Variants in CCSER1 observed in about 807,000 individuals in gnomAD.
CCSER1 encodes coiled-coil serine rich protein 1.
CCSER1 carries 41 observed loss-of-function variants against 82.0 expected under a neutral mutation model. The observed-to-expected ratio is 0.50, with a 90% CI of 0.39 to 0.65. The LOEUF is 0.65. CCSER1 is among the 30% of genes least tolerant of loss of function. The pLI, the probability that CCSER1 is intolerant of heterozygous loss-of-function variation, is 0.00. For synonymous variants in CCSER1, 414 were observed against 383.9 expected (o/e 1.08, Z -0.92); for missense variants, 1,119 against 1,064.2 (o/e 1.05, Z -0.72).
chr4:90,924,424 G>GTTTTCAAGTGT (rs1728789640), intron 9 of CCSER1, among the ~76,000 whole-genome samples: 1 of 151,750 alleles, frequency 6.6e-6, no homozygotes, highest in African/African-American at 2.4e-5. Flanking sequence ...TGCACAAATT[G>GTTTTCAAGTGT]TTTTCAAGTG....
At chr4:90,965,490 A>G (rs1185303710) in intron 9 of CCSER1, among the ~76,000 whole-genome samples, 5 of 152,290 alleles carry the variant, frequency 3.3e-5, no homozygotes, top group South Asian at 2.1e-4. Context: ...CCCCCAATAC[A>G]TACACAAAAC....
At chr4:90,431,531 C>T (rs556576274) in intron 4 of CCSER1, among the ~76,000 whole-genome samples, 4 of 151,982 alleles carry the variant, frequency 2.6e-5, no homozygotes, top group Admixed American at 6.6e-5. Flanking sequence ...CTGTTTCTTA[C>T]GATGCTTATT....
chr4:91,208,535 G>A (rs1355855970), intron 10 of CCSER1, among the ~76,000 whole-genome samples: 1 of 151,828 alleles, frequency 6.6e-6, no homozygotes, highest in African/African-American at 2.4e-5. Flanking sequence ...TCAGATGGTT[G>A]TAGGTATGTG....
intron 5 of CCSER1, among the ~76,000 whole-genome samples, chr4:90,613,021 T>G (rs1246898894): frequency 6.6e-6 from 1 of 151,896 alleles, no homozygotes; most frequent in Non-Finnish European, 1.5e-5. Flanking sequence ...TAAAGCAAAC[T>G]CAGAGATCAC....
intron 5 of CCSER1, among the ~76,000 whole-genome samples, chr4:90,600,230 A>G (rs1039225068): frequency 2.6e-5 from 4 of 152,192 alleles, no homozygotes; most frequent in African/African-American, 9.7e-5. Context: ...TTAGGACTGA[A>G]ATGATATGGT....
At chr4:90,154,478 C>T (rs1330619223) in intron 1 of CCSER1, among the ~76,000 whole-genome samples, 1 of 152,022 alleles carries the variant, frequency 6.6e-6, no homozygotes, top group Non-Finnish European at 1.5e-5. Context: ...GCAGTATGGC[C>T]ATGTTCACGA....
At chr4:91,333,919 GTC>G (rs1446193154) in intron 10 of CCSER1, among the ~76,000 whole-genome samples, 1 of 151,944 alleles carries the variant, frequency 6.6e-6, no homozygotes, top group African/African-American at 2.4e-5. Context: ...CAGATTAACA[GTC>G]TCTCAGTTTT....
At chr4:90,937,480 A>AACACACACACACACACACACACAC (rs148799317) in intron 9 of CCSER1, among the ~76,000 whole-genome samples, 26 of 146,032 alleles carry the variant, frequency 1.8e-4, no homozygotes, top group Admixed American at 1.4e-3. Flanking sequence ...TCTAATTTGA[A>AACACACACACACACACACACACAC]ACACACACAC....
chr4:91,039,212 C>CT (rs5860218), intron 9 of CCSER1, among the ~76,000 whole-genome samples: 61,783 of 145,498 alleles, frequency 0.42, 12,969 homozygotes, highest in East Asian at 0.63. Flanking sequence ...TTCTTTCTTT[C>CT]TTTTTTTTTT....
chr4:90,570,328 T>A lies in CCSER1; in HGVS notation c.1725-57697T>A, dbSNP rs572790804. On this transcript the variant is annotated intron_variant, in intron 5 of 10. Transcript: ENST00000509176. ...TCCCATGGCAGAGATTGGAGGGAGA[T>A]CCATTGGGTTGGGGGACTGCAAGTT... is the stretch of plus-strand genomic sequence containing the variant. 4.3e-4 allele frequency among the ~76,000 whole-genome samples: 66 copies of A among 152,140 alleles called. 1 individual carries two copies. In the South Asian group the frequency reaches 0.014, roughly 31 times the overall value.
intron 9 of CCSER1, among the ~76,000 whole-genome samples, chr4:91,082,960 G>T (rs1722949933): frequency 6.6e-6 from 1 of 152,208 alleles, no homozygotes; most frequent in Admixed American, 6.5e-5. Flanking sequence ...TACACTATTA[G>T]TGGGACTGTA....
chr4:90,494,541 A>G (rs1768667195), intron 5 of CCSER1, among the ~76,000 whole-genome samples: 1 of 152,164 alleles, frequency 6.6e-6, no homozygotes, highest in African/African-American at 2.4e-5. Context: ...TTCTTGTTCT[A>G]TCTCATGAGA....
intron 10 of CCSER1, among the ~76,000 whole-genome samples, chr4:91,146,520 G>A (rs1729553425): frequency 6.6e-6 from 1 of 151,680 alleles, no homozygotes; most frequent in African/African-American, 2.4e-5. Flanking sequence ...TGGCGTTTTT[G>A]TGCTGATTCT....
chr4:90,726,880 C>G (rs1743736065), intron 7 of CCSER1, among the ~76,000 whole-genome samples: 1 of 152,096 alleles, frequency 6.6e-6, no homozygotes, highest in East Asian at 1.9e-4. Flanking sequence ...AAGGCTTTCT[C>G]CATCTAGACA....
chr4:90,776,804 G>C (rs1752950654), intron 7 of CCSER1, among the ~76,000 whole-genome samples: 1 of 152,164 alleles, frequency 6.6e-6, no homozygotes, highest in Non-Finnish European at 1.5e-5. Context: ...AGGTCAAACA[G>C]CTGGTAAATG....
At chr4:90,569,771 C>T (rs560028501) in intron 5 of CCSER1, among the ~76,000 whole-genome samples, 2 of 152,344 alleles carry the variant, frequency 1.3e-5, no homozygotes, top group East Asian at 3.9e-4. Context: ...CTCCTGCTGT[C>T]TGCTGGTCCA....
At chr4:91,326,590 T>C (rs1202817135) in intron 10 of CCSER1, among the ~76,000 whole-genome samples, 1 of 152,084 alleles carries the variant, frequency 6.6e-6, no homozygotes, top group African/African-American at 2.4e-5. Flanking sequence ...AAATTCCATG[T>C]CCTTCTCTTA....
At chr4:91,569,500 T>G (rs1432383570) in intron 10 of CCSER1, among the ~76,000 whole-genome samples, 2 of 152,118 alleles carry the variant, frequency 1.3e-5, no homozygotes, top group African/African-American at 4.8e-5. Context: ...GTTTAATTGA[T>G]TCACAATTCC....
intron 9 of CCSER1, among the ~76,000 whole-genome samples, chr4:91,070,835 A>G (rs1721356767): frequency 6.6e-6 from 1 of 152,184 alleles, no homozygotes. Context: ...GGTATTAACA[A>G]TTTTAAAAAA....
Sources: gnomAD v4.1 joint callset for allele counts (sites outside exome capture counted in the v4.1 genomes callset) on GRCh38, gnomAD v4.1.1 for gene constraint, MANE v1.5 for transcripts, NCBI Gene and HGNC (gene_info 2026-07-23, HGNC 2026-07-21) for gene names.